The following WDR7 variants were observed in gnomAD, a reference collection of about 807,000 sequenced individuals.
WDR7 encodes WD repeat-containing protein 7.
A neutral mutation model predicts 169.4 loss-of-function variants in WDR7; 46 were observed. That is an observed-to-expected ratio of 0.27 (90% CI 0.21 to 0.35). The LOEUF is 0.35. Ranked by LOEUF, WDR7 falls within the 10% of genes least tolerant of loss-of-function variation. The pLI is 1.00. For missense variants in WDR7, 1,534 were observed against 1,859.3 expected (o/e 0.83, Z 3.22); for synonymous variants, 612 against 666.8 (o/e 0.92, Z 1.27).
Position 56,788,642 on chromosome 18 carries a change from T to G in WDR7, c.3190+6986T>G, listed in dbSNP as rs557684249. Among the ~76,000 whole-genome samples, 10 of 152,236 alleles carry G rather than the reference T, an allele frequency of 6.6e-5. No individual in the cohort carries two copies. The South Asian group carries it at 1.0e-3, about 16-fold the overall frequency. ...TCCTTTGTGGTATTCTGGATGTCTTTTCTTTTTGAGCAAGAGTATTCTAAT... is the reference window on the plus strand; with the variant it reads ...TCCTTTGTGGTATTCTGGATGTCTTGTCTTTTTGAGCAAGAGTATTCTAAT... On this transcript the variant is annotated intron_variant, in intron 19 of 27. Transcript: ENST00000254442.
intron 20 of WDR7, among the ~76,000 whole-genome samples, chr18:56,863,792 A>G (rs935584932): frequency 6.6e-6 from 1 of 151,746 alleles, no homozygotes; most frequent in Non-Finnish European, 1.5e-5. Context: ...CCTTTTCACA[A>G]TGACTAAACT....
At chr18:56,860,604 A>G (rs1018066348) in intron 20 of WDR7, among the ~76,000 whole-genome samples, 22 of 152,210 alleles carry the variant, frequency 1.4e-4, no homozygotes, top group African/African-American at 3.9e-4. Context: ...ATTGTGACCA[A>G]CCACAGTCTT....
At chr18:56,671,291 G>GTTT (rs57573854) in intron 1 of WDR7, among the ~76,000 whole-genome samples, 1 of 118,924 alleles carries the variant, frequency 8.4e-6, no homozygotes, top group African/African-American at 2.9e-5. Flanking sequence ...TGAGCAAAGT[G>GTTT]TTTTTTTTTT....
intron 22 of WDR7, among the ~76,000 whole-genome samples, chr18:56,931,140 T>C (rs1158213743): frequency 5.9e-5 from 9 of 152,058 alleles, no homozygotes; most frequent in South Asian, 2.1e-4. Context: ...TTTTTTAGAA[T>C]AAAGAGAACC....
intron 14 of WDR7, among the ~76,000 whole-genome samples, chr18:56,747,531 G>A (rs900351017): frequency 6.6e-6 from 1 of 152,122 alleles, no homozygotes; most frequent in Non-Finnish European, 1.5e-5. Flanking sequence ...CCCTGGCATT[G>A]GGGAGTTCCT....
intron 2 of WDR7, 113 bp downstream of exon 2, chr18:56,672,787 T>G: frequency 1.8e-6 from 2 of 1,088,762 alleles, no homozygotes; most frequent in Non-Finnish European, 2.5e-6. Context: ...CTGAAAAATG[T>G]GTTTTGACTA....
chr18:56,829,101 T>C (rs1341106327), intron 20 of WDR7, among the ~76,000 whole-genome samples: 3 of 136,362 alleles, frequency 2.2e-5, no homozygotes, highest in African/African-American at 5.6e-5. Flanking sequence ...CGCGGCAACA[T>C]AGTGAAACTT....
intron 20 of WDR7, among the ~76,000 whole-genome samples, chr18:56,865,923 T>G (rs1042768920): frequency 6.6e-6 from 1 of 152,176 alleles, no homozygotes; most frequent in African/African-American, 2.4e-5. Flanking sequence ...TTTTTAAGAC[T>G]TTTTTCTAAT....
chr18:56,680,034 A>G (rs2025322519), intron 3 of WDR7, among the ~76,000 whole-genome samples: 1 of 152,322 alleles, frequency 6.6e-6, no homozygotes, highest in Admixed American at 6.5e-5. Flanking sequence ...ATACTATTGA[A>G]GAAAGTTGGG....
chr18:56,821,205 A>G (rs1273795315), intron 20 of WDR7, among the ~76,000 whole-genome samples: 1 of 152,226 alleles, frequency 6.6e-6, no homozygotes, highest in Non-Finnish European at 1.5e-5. Context: ...AATATGCAGT[A>G]TATTAGAAGA....
chr18:56,668,662 A>T (rs1395566823), intron 1 of WDR7, among the ~76,000 whole-genome samples: 3 of 152,284 alleles, frequency 2.0e-5, no homozygotes, highest in East Asian at 3.9e-4. Flanking sequence ...TAGTTTTGGG[A>T]TGGAAGTTGG....
chr18:56,838,983 G>C (rs1198063326), intron 20 of WDR7, among the ~76,000 whole-genome samples: 1 of 152,098 alleles, frequency 6.6e-6, no homozygotes, highest in Non-Finnish European at 1.5e-5. Context: ...AGGCTTCTTT[G>C]TAATTAGCAT....
intron 17 of WDR7, 51 bp downstream of exon 17, chr18:56,776,931 A>G (rs1202028281): frequency 2.0e-6 from 3 of 1,488,628 alleles, no homozygotes; most frequent in Non-Finnish European, 2.8e-6. Context: ...CTTTATTCTG[A>G]CAGACATGTT....
At chr18:57,010,371 A>G (rs1016642160) in intron 26 of WDR7, 47 of 842,998 alleles carry the variant, frequency 5.6e-5, no homozygotes, top group Admixed American at 6.2e-5. Context: ...TCTAAATTAT[A>G]TTAGTATTCA....
intron 22 of WDR7, among the ~76,000 whole-genome samples, chr18:56,932,828 C>T (rs2046905155): frequency 6.6e-6 from 1 of 152,120 alleles, no homozygotes; most frequent in South Asian, 2.1e-4. Flanking sequence ...TGTCAACTGA[C>T]CACTCCCACA....
At chr18:57,034,810 C>G (rs567596882), downstream of WDR7, 16 of 152,152 alleles carry the variant, frequency 1.1e-4, no homozygotes, top group East Asian at 3.1e-3. Flanking sequence ...GGCTTTCTCT[C>G]AGAGAGAGAA....
intron 1 of WDR7, among the ~76,000 whole-genome samples, chr18:56,661,375 T>C (rs2024901280): frequency 6.6e-6 from 1 of 152,206 alleles, no homozygotes; most frequent in East Asian, 1.9e-4. Flanking sequence ...GTTCATTCAT[T>C]ATAATATCAC....
chr18:57,022,642 TC>T (rs550599539), intron 27 of WDR7, among the ~76,000 whole-genome samples: 1 of 152,236 alleles, frequency 6.6e-6, no homozygotes, highest in Non-Finnish European at 1.5e-5. Flanking sequence ...ATTATCTTTT[TC>T]CCCTAAGATC....
chr18:56,845,253 T>C (rs2045551079), intron 20 of WDR7, among the ~76,000 whole-genome samples: 1 of 152,134 alleles, frequency 6.6e-6, no homozygotes, highest in Non-Finnish European at 1.5e-5. Context: ...CCTTACTTGG[T>C]TGTATATGAA....
Sources: gnomAD v4.1 joint callset for allele counts (sites outside exome capture counted in the v4.1 genomes callset) on GRCh38, gnomAD v4.1.1 for gene constraint, MANE v1.5 for transcripts, NCBI Gene and HGNC (gene_info 2026-07-23, HGNC 2026-07-21) for gene names.